Variants in NUP88 observed in about 807,000 individuals in gnomAD.
NUP88 encodes nuclear pore complex protein Nup88.
A neutral mutation model predicts 93.9 loss-of-function variants in NUP88; 57 were observed. The observed-to-expected ratio is 0.61, with a 90% CI of 0.49 to 0.76. The LOEUF (loss-of-function observed/expected upper bound fraction) is 0.76, where lower values mean the gene tolerates loss of function less well. Ranked by LOEUF, NUP88 falls within the 30% of genes least tolerant of loss-of-function variation. NUP88 has a pLI of 0.00. For synonymous variants in NUP88, 346 were observed against 336.8 expected (o/e 1.03, Z -0.30); for missense variants, 911 against 901.0 (o/e 1.01, Z -0.14).
intron 7 of NUP88, among the ~76,000 whole-genome samples, chr17:5,400,362 G>A (rs1451323759): frequency 6.6e-6 from 1 of 151,848 alleles, no homozygotes; most frequent in Non-Finnish European, 1.5e-5. Flanking sequence ...TGGCCGTGGT[G>A]GCATGCACCT....
At position 5,419,658 on chromosome 17, in the gene NUP88, C is replaced by G. The variant is rs1417141358; in HGVS notation, c.-8G>C. On this transcript the variant is annotated 5_prime_UTR_variant, in exon 1 of 17. Coordinates refer to ENST00000573584, the MANE Select transcript of NUP88 (RefSeq NM_002532.6). ...TCCCTCGGCGGCCGCCATCTTGGCC[C>G]AACTGCTCCCCTCACTCCAGTTGCT... 1.9e-6 allele frequency: 3 copies of G among 1,578,020 alleles called. No homozygotes were observed. Among genetic ancestry groups the G allele is most frequent in the Admixed American group, 3.4e-5 (2 of 59,134 alleles).
intron 2 of NUP88, among the ~76,000 whole-genome samples, 156 bp from the exon 3 acceptor site, chr17:5,414,290 G>T (rs57977704): frequency 6.6e-6 from 1 of 151,926 alleles, no homozygotes; most frequent in South Asian, 2.1e-4. Flanking sequence ...CCGCCTCCCA[G>T]GTTCAAGTGA....
chr17:5,414,446 C>G (rs532307182), intron 2 of NUP88, among the ~76,000 whole-genome samples: 1 of 152,026 alleles, frequency 6.6e-6, no homozygotes, highest in Non-Finnish European at 1.5e-5. Context: ...CTGCCCACCT[C>G]GGCCTCGCAA....
intron 5 of NUP88, among the ~76,000 whole-genome samples, chr17:5,407,842 T>C (rs936205715): frequency 6.6e-6 from 1 of 152,218 alleles, no homozygotes; most frequent in African/African-American, 2.4e-5. Flanking sequence ...TTTTTCCCTC[T>C]GTTCTATTAC....
intron 1 of NUP88, chr17:5,418,130 G>C (rs1448886416): frequency 1.5e-5 from 2 of 136,608 alleles, no homozygotes; most frequent in African/African-American, 2.8e-5. Flanking sequence ...GGCAACAAGA[G>C]CGAAACTCCA....
rs372585049 is a variant in NUP88 at position 5,387,003 on chromosome 17, A to G, written c.2024T>C (p.Leu675Ser). The G allele has an allele frequency of 1.9e-6, 3 of 1,613,992 alleles. No individual in the cohort carries two copies. Among genetic ancestry groups the G allele is most frequent in the Admixed American group, 1.7e-5 (1 of 59,996 alleles). Residue 675 changes from leucine to serine, a missense_variant, in exon 15 of 17, where the codon TTG (leucine) becomes TCG (serine). Leu to Ser is a moderately radical substitution (Grantham distance 145, BLOSUM62 -2). Transcript: ENST00000573584. ...LQLIPDQLRH[L>S]GNAIKQVTMK... ...TCCTACCTGTTTGATGGCATTGCCC[A>G]AATGTCGAAGTTGATCAGGTATCAG...
chr17:5,391,622 T>C lies in NUP88; in HGVS notation c.1423A>G (p.Ile475Val). Residue 475 changes from isoleucine (I) to valine (V), a missense_variant, in exon 10 of 17, where the codon ATT becomes GTT. Ile to Val is a conservative substitution (Grantham distance 29). Coordinates refer to ENST00000573584, the MANE Select transcript of NUP88 (RefSeq NM_002532.6). Reference sequence around the variant, plus strand: ...ATGCAGATCATCGTGGGTCCCAGAATGTCAGGTACAATCCAAAATCCTCGA... The same window carrying C: ...ATGCAGATCATCGTGGGTCCCAGAACGTCAGGTACAATCCAAAATCCTCGA... ...PIRGFWIVPD[I>V]LGPTMICITS... is the part of the protein sequence containing the mutation. 1 of 1,614,182 alleles carries C rather than the reference T, an allele frequency of 6.2e-7. No individual in the cohort carries two copies. Among genetic ancestry groups the C allele is most frequent in the Non-Finnish European group, 8.5e-7 (1 of 1,180,008 alleles).
In NUP88 at chr17:5,386,100, G is replaced by C; in HGVS notation, c.*106C>G. The C allele has an allele frequency of 1.3e-6, 1 of 760,418 alleles. No individual in the cohort carries two copies. The highest frequency in any genetic ancestry group is 2.2e-6 in the Non-Finnish European group (1 of 462,504). 47.1% of individuals were successfully genotyped at this position (760,418 alleles called of 1,614,324 possible). ...TTTAAAAAGATGAACCACACCAAAGGTCATCAAAACACCTTTTTATAAATT... is the reference window on the plus strand; with the variant it reads ...TTTAAAAAGATGAACCACACCAAAGCTCATCAAAACACCTTTTTATAAATT... On this transcript the variant is annotated 3_prime_UTR_variant, in exon 17 of 17. Coordinates refer to ENST00000573584, the MANE Select transcript of NUP88 (RefSeq NM_002532.6).
chr17:5,419,630 C>G lies in NUP88; in HGVS notation c.21G>C (p.Pro7=). 2 of 1,592,750 alleles carry G rather than the reference C, an allele frequency of 1.3e-6. No individual in the cohort carries two copies. The highest frequency in any genetic ancestry group is 3.4e-4 in the Middle Eastern group (2 of 5,936). The change falls in exon 1 of 17, where the codon CCG becomes CCC. Residue 7 remains proline, a synonymous_variant. Transcript: ENST00000573584. ...TCTGCCACAGCTCGCCGTCGCCCAC[C>G]GGTCCCTCGGCGGCCGCCATCTTGG... MAAAEG[P]VGDGELWQTW...
intron 6 of NUP88, among the ~76,000 whole-genome samples, chr17:5,404,578 C>T (rs1913378103): frequency 6.6e-6 from 1 of 152,060 alleles, no homozygotes; most frequent in Non-Finnish European, 1.5e-5. Context: ...CACACCATTG[C>T]ACTCCAGCCT....
intron 1 of NUP88, among the ~76,000 whole-genome samples, chr17:5,417,389 C>A (rs1005408014): frequency 1.3e-5 from 2 of 152,146 alleles, no homozygotes; most frequent in African/African-American, 2.4e-5. Flanking sequence ...GATCACTCGA[C>A]CCCTGACAGT....
chr17:5,388,612 T>A (rs1912208014), intron 11 of NUP88, 190 bp downstream of exon 11: 1 of 534,280 alleles, frequency 1.9e-6, no homozygotes, highest in African/African-American at 2.0e-5. Flanking sequence ...TTTAAACACT[T>A]CCTGTTTATC....
In NUP88 at chr17:5,388,880, A is replaced by G. The variant is rs1285281760; in HGVS notation, c.1565T>C (p.Leu522Pro). 4 of 1,614,026 alleles carry G rather than the reference A, an allele frequency of 2.5e-6. No homozygotes were observed. The highest frequency in any genetic ancestry group is 3.4e-6 in the Non-Finnish European group (4 of 1,179,992). Residue 522 changes from leucine to proline, a missense_variant, in exon 11 of 17, where the codon CTG becomes CCG. Coordinates refer to ENST00000573584, the MANE Select transcript of NUP88 (RefSeq NM_002532.6). ...TTCAAAGGAATCTGGGGTTTCAGCC[A>G]GAACACGGAGGGGAGACTCTGCCAC... ...VEVAESPLRV[L>P]AETPDSFEKH...
chr17:5,387,223 A>G (rs1912059581), intron 14 of NUP88, 113 bp from the exon 15 acceptor site: 7 of 1,346,658 alleles, frequency 5.2e-6, no homozygotes, highest in Non-Finnish European at 7.3e-6. Context: ...CCCCATAGGA[A>G]GGGTTAGGGG....
chr17:5,410,870 C>T (rs886979338), intron 3 of NUP88, 81 bp from the exon 4 acceptor site: 13 of 865,936 alleles, frequency 1.5e-5, no homozygotes, highest in Middle Eastern at 4.5e-4. Flanking sequence ...TCCATCTAGT[C>T]AGTTCTTGAG....
intron 3 of NUP88, among the ~76,000 whole-genome samples, chr17:5,411,971 ATGT>A (rs1479937380): frequency 6.6e-6 from 1 of 152,204 alleles, no homozygotes; most frequent in African/African-American, 2.4e-5. Context: ...CTAGGCAATA[ATGT>A]TGTACTGGGG....
intron 2 of NUP88, among the ~76,000 whole-genome samples, chr17:5,416,159 A>ATATATATATAT (rs1302350232): frequency 1.4e-5 from 1 of 70,984 alleles, no homozygotes; most frequent in African/African-American, 4.9e-5. Context: ...AAAAAAAAAA[A>ATATATATATAT]AAAAAAAGTA....
chr17:5,387,397 A>G lies in NUP88; in HGVS notation c.1905T>C (p.Asp635=). 1 of 1,613,796 alleles carries G rather than the reference A, an allele frequency of 6.2e-7. No homozygotes were observed. Among genetic ancestry groups the G allele is most frequent in the Non-Finnish European group, 8.5e-7 (1 of 1,179,682 alleles). ...KYEEAKEKQE[D]IMNRMKKLLH... is the part of the protein sequence containing the mutation. ...TACAGCCCACTGACCTGTTCATGATATCCTCTTGTTTTTCTTTAGCTTCCT... is the reference window on the plus strand; with the variant it reads ...TACAGCCCACTGACCTGTTCATGATGTCCTCTTGTTTTTCTTTAGCTTCCT... Residue 635 remains aspartate, a synonymous_variant, in exon 14 of 17, where the codon GAT becomes GAC. Coordinates refer to ENST00000573584, the MANE Select transcript of NUP88 (RefSeq NM_002532.6).
chr17:5,387,157 T>C (rs1350125660), intron 14 of NUP88, 47 bp from the exon 15 acceptor site: 7 of 1,590,520 alleles, frequency 4.4e-6, no homozygotes, highest in African/African-American at 1.4e-5. Context: ...CTCTACTAAT[T>C]AGGAGAAACA....
Sources: gnomAD v4.1 joint callset for allele counts (sites outside exome capture counted in the v4.1 genomes callset) on GRCh38, gnomAD v4.1.1 for gene constraint, MANE v1.5 for transcripts, NCBI Gene and HGNC (gene_info 2026-07-23, HGNC 2026-07-21) for gene names.